Variants in MYOF observed in about 807,000 individuals in gnomAD.
MYOF encodes myoferlin.
Under a neutral mutation model 284.2 loss-of-function variants are expected in MYOF, and 244 were observed. The ratio of observed to expected loss-of-function variants is 0.86; its 90% CI spans 0.77 to 0.95. The LOEUF (loss-of-function observed/expected upper bound fraction) is 0.95, where lower values mean the gene tolerates loss of function less well. MYOF is among the 40% of genes least tolerant of loss of function. The probability of loss-of-function intolerance (pLI) is 0.00; values close to 1 mark genes in which losing one functional copy is unlikely to be tolerated. For synonymous variants in MYOF, 904 were observed against 919.7 expected (o/e 0.98, Z 0.31); for missense variants, 2,496 against 2,560.6 (o/e 0.97, Z 0.54).
rs1208218097 is a variant in MYOF, at chr10:93,349,880, C to T, written c.4011G>A (p.Arg1337=). The T allele has an allele frequency of 1.9e-6, 3 of 1,613,914 alleles. No homozygotes were observed. The highest frequency in any genetic ancestry group is 1.7e-6 in the Non-Finnish European group (2 of 1,180,012). ...GGTTTTTGATCACCACCGATTCCACCCTTTCTCCTCCACACTCCACAACAA... is the reference window on the plus strand; with the variant it reads ...GGTTTTTGATCACCACCGATTCCACTCTTTCTCCTCCACACTCCACAACAA... ...PSLVVECGGE[R]VESVVIKNLK... is the part of the protein sequence containing the mutation. The change falls in exon 36 of 54, where the codon AGG becomes AGA. Residue 1337 remains arginine, a synonymous_variant. Transcript: ENST00000359263.
chr10:93,388,987 T>A, intron 18 of MYOF, 43 bp downstream of exon 18: 1 of 1,599,102 alleles, frequency 6.3e-7, no homozygotes, highest in African/African-American at 1.3e-5. Context: ...AATAATCACC[T>A]TAACCAATGC....
chr10:93,308,878 A>C (rs1842255900), intron 53 of MYOF, among the ~76,000 whole-genome samples: 1 of 151,838 alleles, frequency 6.6e-6, no homozygotes, highest in African/African-American at 2.4e-5. Context: ...CACCCAACTA[A>C]TTTTTGTATT....
At chr10:93,400,329 CTTTTT>C (rs1163947322) in intron 12 of MYOF, among the ~76,000 whole-genome samples, 1 of 98,718 alleles carries the variant, frequency 1.0e-5, no homozygotes, top group African/African-American at 3.8e-5. Flanking sequence ...TCTTCTTCTT[CTTTTT>C]TTTTTTTTTA....
chr10:93,434,637 A>T (rs536032574), intron 3 of MYOF, among the ~76,000 whole-genome samples: 1 of 152,088 alleles, frequency 6.6e-6, no homozygotes, highest in East Asian at 1.9e-4. Context: ...TAACTTCTAC[A>T]TGTTACAAAA....
chr10:93,478,836 A>AGGAAG (rs200937397), intron 1 of MYOF, among the ~76,000 whole-genome samples: 2 of 58,948 alleles, frequency 3.4e-5, no homozygotes, highest in Admixed American at 3.2e-4. Flanking sequence ...AAAAAAAAAA[A>AGGAAG]AAAAAAAGAA....
chr10:93,320,052 T>C (rs776821359), intron 48 of MYOF, 39 bp from the exon 49 acceptor site: 1 of 1,610,698 alleles, frequency 6.2e-7, no homozygotes, highest in Non-Finnish European at 8.5e-7. Flanking sequence ...TTCACGTGAT[T>C]GACAAGTCAT....
At chr10:93,469,787 G>A (rs935055842) in intron 1 of MYOF, among the ~76,000 whole-genome samples, 1 of 152,202 alleles carries the variant, frequency 6.6e-6, no homozygotes, top group Admixed American at 6.5e-5. Context: ...GTACAGCCTT[G>A]GCGGTAAGCA....
intron 1 of MYOF, among the ~76,000 whole-genome samples, chr10:93,460,902 C>T (rs927345233): frequency 3.9e-5 from 6 of 152,042 alleles, no homozygotes; most frequent in African/African-American, 1.5e-4. Context: ...TTGAGACCAG[C>T]CTGGCCAACT....
At chr10:93,465,854 AT>A (rs1475679451) in intron 1 of MYOF, among the ~76,000 whole-genome samples, 3 of 152,116 alleles carry the variant, frequency 2.0e-5, no homozygotes, top group East Asian at 1.9e-4. Context: ...GCCTCCTTGC[AT>A]CCCCCCAGGG....
chr10:93,446,048 T>C (rs2056418133), intron 3 of MYOF, among the ~76,000 whole-genome samples: 1 of 152,186 alleles, frequency 6.6e-6, no homozygotes, highest in Admixed American at 6.5e-5. Flanking sequence ...ACAGGTAATC[T>C]GACCAAGGTG....
chr10:93,409,024 G>T (rs1847770062), intron 6 of MYOF, 109 bp from the exon 7 acceptor site: 2 of 1,515,690 alleles, frequency 1.3e-6, no homozygotes, highest in Admixed American at 3.7e-5. Context: ...CTAACACCAG[G>T]CCAGGGCAGC....
At chr10:93,407,782 A>C (rs1847685687) in intron 7 of MYOF, among the ~76,000 whole-genome samples, 1 of 151,504 alleles carries the variant, frequency 6.6e-6, no homozygotes, top group African/African-American at 2.4e-5. Flanking sequence ...GGGGCAAAAC[A>C]AACAAAGCCC....
chr10:93,420,712 G>T (rs1848322877), intron 5 of MYOF, among the ~76,000 whole-genome samples: 1 of 152,194 alleles, frequency 6.6e-6, no homozygotes, highest in Admixed American at 6.5e-5. Context: ...GAAGTTGCTG[G>T]CAGTGGTTAT....
intron 24 of MYOF, 32 bp downstream of exon 24, chr10:93,372,898 T>C (rs1192229863): frequency 1.2e-6 from 2 of 1,612,796 alleles, no homozygotes; most frequent in Admixed American, 1.7e-5. Flanking sequence ...TTGCATTTAG[T>C]GTGTTTCACA....
At position 93,333,830 on chromosome 10, in the gene MYOF, G is replaced by A. The variant is rs1381696377; in HGVS notation, c.4647C>T (p.Val1549=). The A allele has an allele frequency of 6.2e-7, 1 of 1,614,144 alleles. No homozygotes were observed. Among genetic ancestry groups the A allele is most frequent in the South Asian group, 1.1e-5 (1 of 91,082 alleles). Residue 1549 remains valine, a synonymous_variant, in exon 42 of 54, where the codon GTC becomes GTT. Transcript: ENST00000359263. ...AAATCCTAACCGTGCATTCCTGTGG[G>A]ACGCTGTCAGGTAATTCCCGAAACT... is the stretch of plus-strand genomic sequence containing the variant. ...PRQFRELPDS[V]PQECTVRIYI...
chr10:93,471,233 C>T (rs1007640523), intron 1 of MYOF, among the ~76,000 whole-genome samples: 2 of 152,270 alleles, frequency 1.3e-5, no homozygotes, highest in African/African-American at 2.4e-5. Context: ...TATGTCACCT[C>T]TGAGCTTCTG....
intron 53 of MYOF, among the ~76,000 whole-genome samples, chr10:93,309,172 AG>A (rs972636091): frequency 6.6e-6 from 1 of 152,142 alleles, no homozygotes; most frequent in African/African-American, 2.4e-5. Flanking sequence ...CTGTCTTAGC[AG>A]GGGGTGCCCA....
chr10:93,372,227 T>C (rs1026090142), intron 24 of MYOF, among the ~76,000 whole-genome samples: 4 of 152,188 alleles, frequency 2.6e-5, no homozygotes, highest in African/African-American at 9.7e-5. Flanking sequence ...CGTCAAAACA[T>C]ATAGATGGGA....
chr10:93,452,235 C>A, intron 2 of MYOF, 94 bp from the exon 3 acceptor site: 1 of 785,596 alleles, frequency 1.3e-6, no homozygotes, highest in South Asian at 1.5e-5. Flanking sequence ...CATGTTGGGT[C>A]ATTATTTTCA....
Sources: gnomAD v4.1 joint callset for allele counts (sites outside exome capture counted in the v4.1 genomes callset) on GRCh38, gnomAD v4.1.1 for gene constraint, MANE v1.5 for transcripts, NCBI Gene and HGNC (gene_info 2026-07-23, HGNC 2026-07-21) for gene names.